Variants in ZNF483 observed in about 807,000 individuals in gnomAD.
ZNF483 encodes the protein zinc finger protein 483.
A neutral mutation model predicts 28.6 loss-of-function variants in ZNF483; 9 were observed. The observed-to-expected ratio is 0.32, with a 90% CI of 0.19 to 0.55. The LOEUF (loss-of-function observed/expected upper bound fraction) is 0.55. Ranked by LOEUF, ZNF483 falls within the 20% of genes least tolerant of loss-of-function variation. The pLI is 0.93. For missense variants in ZNF483, 675 were observed against 871.7 expected (o/e 0.77, Z 2.84); for synonymous variants, 322 against 306.2 (o/e 1.05, Z -0.54).
rs2132275840 is a variant in ZNF483 at position 111,549,852 on chromosome 9, T to A, written c.*6682T>A. ...CTTTGAGCATCTTTAAGGCAGTTGC[T>A]TTAAAGTCTGTCTAGTGAGTCAATG... is the stretch of plus-strand genomic sequence containing the variant. On this transcript the variant is annotated 3_prime_UTR_variant, in exon 6 of 6. Transcript: ENST00000309235. The A allele has an allele frequency of 8.6e-7, 1 of 1,168,872 alleles. No individual in the cohort carries two copies. Among genetic ancestry groups the A allele is most frequent in the African/African-American group, 1.5e-5 (1 of 64,946 alleles). The allele number at this position is 1,168,872 out of a possible 1,614,324, so 72.4% of individuals were successfully genotyped here. A position where few individuals can be genotyped will look rare whatever the true frequency, so the allele number is the denominator to read the frequency against.
rs1470262365 is a variant in ZNF483 at position 111,554,958 on chromosome 9, T to G, written c.*11788T>G. Among the ~76,000 whole-genome samples, 3 of 152,186 alleles carry G rather than the reference T, an allele frequency of 2.0e-5. No homozygotes were observed. Among genetic ancestry groups the G allele is most frequent in the Non-Finnish European group, 4.4e-5 (3 of 68,026 alleles). ...CTAAATGTCAGTGCCTGTTAATTTT[T>G]CTTTGAGAAGTGTAATTTCTCCAGA... On this transcript the variant is annotated 3_prime_UTR_variant, in exon 6 of 6. Transcript: ENST00000309235.
At position 111,550,599 on chromosome 9, in the gene ZNF483, T is replaced by C. The variant is rs1367450310; in HGVS notation, c.*7429T>C. Reference sequence around the variant, plus strand: ...TCATGTGCTCCCAAAATAATCACTTTAGGAACTTTCTGCCGATGTAATTAT... The same window carrying C: ...TCATGTGCTCCCAAAATAATCACTTCAGGAACTTTCTGCCGATGTAATTAT... On this transcript the variant is annotated 3_prime_UTR_variant, in exon 6 of 6. Coordinates refer to ENST00000309235, the MANE Select transcript of ZNF483 (RefSeq NM_133464.5). Among the ~76,000 whole-genome samples the C allele has an allele frequency of 3.9e-5, 6 of 152,190 alleles. No homozygotes were observed. The highest frequency in any genetic ancestry group is 3.3e-4 in the Admixed American group (5 of 15,282).
intron 5 of ZNF483, chr9:111,564,141 T>C (rs982429187): frequency 2.1e-5 from 12 of 572,328 alleles, no homozygotes; most frequent in Non-Finnish European, 2.8e-5. Flanking sequence ...GGGTCTTATA[T>C]AGAGACCTGA....
At position 111,554,272 on chromosome 9, in the gene ZNF483, G is replaced by A. The variant is rs1828056209; in HGVS notation, c.*11102G>A. On this transcript the variant is annotated 3_prime_UTR_variant, in exon 6 of 6. Coordinates refer to ENST00000309235, the MANE Select transcript of ZNF483 (RefSeq NM_133464.5). Reference sequence around the variant, plus strand: ...GTGGAAAAATGGCCATGGTACTACAGATCCTGTAACTAAGAAAGTCAACCT... The same window carrying A: ...GTGGAAAAATGGCCATGGTACTACAAATCCTGTAACTAAGAAAGTCAACCT... Among the ~76,000 whole-genome samples the A allele has an allele frequency of 6.6e-6, 1 of 152,060 alleles. No individual in the cohort carries two copies. Among genetic ancestry groups the A allele is most frequent in the Non-Finnish European group, 1.5e-5 (1 of 68,020 alleles).
At chr9:111,561,284 A>AT (rs1828315782) in intron 5 of ZNF483, among the ~76,000 whole-genome samples, 1 of 148,650 alleles carries the variant, frequency 6.7e-6, no homozygotes, top group South Asian at 2.1e-4. Flanking sequence ...TTTGTTTTTA[A>AT]TTTTTTTTAG....
chr9:111,541,080 G>A lies in ZNF483; in HGVS notation c.722-577G>A, dbSNP rs530086099. On this transcript the variant is annotated intron_variant, in intron 5 of 5. Transcript: ENST00000309235. The stretch of plus-strand genomic sequence containing the variant: ...AAAAGTTAGGATATAGGGACAATAA[G>A]TTTGAACCTTTTTTTTTTTTTTTTT... Among the ~76,000 whole-genome samples, 66 of 145,320 alleles carry A rather than the reference G, an allele frequency of 4.5e-4. 1 individual carries two copies. The highest frequency in any genetic ancestry group is 6.2e-4 in the Non-Finnish European group (41 of 66,652).
Position 111,544,348 on chromosome 9 carries a change from A to ATGTGTG in ZNF483, c.*1198_*1203dup, listed in dbSNP as rs111820702. The ATGTGTG allele has an allele frequency of 0.063, 60,203 of 949,876 alleles. 886 individuals carry two copies. The highest frequency in any genetic ancestry group is 0.17 in the East Asian group (1,442 of 8,558). 58.8% of individuals were successfully genotyped at this position (949,876 alleles called of 1,614,324 possible). On this transcript the variant is annotated 3_prime_UTR_variant, in exon 6 of 6. Coordinates refer to ENST00000309235, the MANE Select transcript of ZNF483 (RefSeq NM_133464.5). ...TAACAATTTGCTTGGGTGTGTGTGCATGTGTGTGTGTGTGTGTGTGTGTGT... is the reference window on the plus strand; with the variant it reads ...TAACAATTTGCTTGGGTGTGTGTGCATGTGTGTGTGTGTGTGTGTGTGTGTGTGTGT...
At position 111,550,416 on chromosome 9, in the gene ZNF483, A is replaced by G. The variant is rs1040758610; in HGVS notation, c.*7246A>G. On this transcript the variant is annotated 3_prime_UTR_variant, in exon 6 of 6. Transcript: ENST00000309235. ...ATTATTGTCCACCCTGGCTGCAGCAAGCTGACCCAGAAATGTGGGGTTGTG... is the reference window on the plus strand; with the variant it reads ...ATTATTGTCCACCCTGGCTGCAGCAGGCTGACCCAGAAATGTGGGGTTGTG... Among the ~76,000 whole-genome samples, 5 of 152,180 alleles carry G rather than the reference A, an allele frequency of 3.3e-5. No individual in the cohort carries two copies. The highest frequency in any genetic ancestry group is 4.8e-5 in the African/African-American group (2 of 41,454).
chr9:111,543,235 G>A lies in ZNF483; in HGVS notation c.*65G>A. On this transcript the variant is annotated 3_prime_UTR_variant, in exon 6 of 6. Coordinates refer to ENST00000309235, the MANE Select transcript of ZNF483 (RefSeq NM_133464.5). ...TTGTCAGTTACTGAAACCCTGGGAT[G>A]TAAACTTACAGTATTGATCAGTAGC... The A allele has an allele frequency of 6.5e-7, 1 of 1,528,008 alleles. No individual in the cohort carries two copies. The highest frequency in any genetic ancestry group is 8.7e-7 in the Non-Finnish European group (1 of 1,143,560). The allele number at this position is 1,528,008 out of a possible 1,614,324, so 94.7% of individuals were successfully genotyped here.
chr9:111,541,088 C>G (rs976443459), intron 5 of ZNF483, among the ~76,000 whole-genome samples: 20 of 128,156 alleles, frequency 1.6e-4, no homozygotes, highest in Admixed American at 2.4e-4. Flanking sequence ...AAGTTTGAAC[C>G]TTTTTTTTTT....
downstream of ZNF483, among the ~76,000 whole-genome samples, chr9:111,556,069 A>G (rs1480179462): frequency 5.2e-5 from 8 of 152,390 alleles, no homozygotes; most frequent in South Asian, 2.1e-4. Context: ...GAACAGGGGT[A>G]CAGACACTGG....
intron 5 of ZNF483, among the ~76,000 whole-genome samples, chr9:111,568,883 G>A (rs1195664390): frequency 1.3e-5 from 2 of 152,164 alleles, no homozygotes; most frequent in Non-Finnish European, 2.9e-5. Flanking sequence ...GTGGTAGCAG[G>A]GAGGTGGGAG....
chr9:111,551,840 A>T lies in ZNF483; in HGVS notation c.*8670A>T, dbSNP rs1466278531. ...CATATCAATTCAGTTTATTAGCATC[A>T]AATTTGATGAAGCAGTGCATAAATG... On this transcript the variant is annotated 3_prime_UTR_variant, in exon 6 of 6. Coordinates refer to ENST00000309235, the MANE Select transcript of ZNF483 (RefSeq NM_133464.5). Among the ~76,000 whole-genome samples the T allele has an allele frequency of 6.6e-6, 1 of 152,240 alleles. No individual in the cohort carries two copies. The highest frequency in any genetic ancestry group is 1.9e-4 in the East Asian group (1 of 5,204).
intron 5 of ZNF483, among the ~76,000 whole-genome samples, chr9:111,567,157 T>C (rs775660268): frequency 5.9e-5 from 9 of 151,774 alleles, no homozygotes; most frequent in Non-Finnish European, 1.2e-4. Flanking sequence ...CAACTTAAAA[T>C]AGGGCCATTT....
At chr9:111,573,571 T>G (rs1328166966) in intron 5 of ZNF483, among the ~76,000 whole-genome samples, 1 of 152,172 alleles carries the variant, frequency 6.6e-6, no homozygotes, top group Non-Finnish European at 1.5e-5. Flanking sequence ...TTCTCGTACT[T>G]TCTCCTTTTT....
chr9:111,563,425 A>G, intron 5 of ZNF483: 1 of 495,274 alleles, frequency 2.0e-6, no homozygotes. Flanking sequence ...AAAAGATTAC[A>G]AAGTACACCT....
At chr9:111,557,804 C>T (rs1218279007), downstream of ZNF483, among the ~76,000 whole-genome samples, 2 of 152,200 alleles carry the variant, frequency 1.3e-5, no homozygotes, top group Non-Finnish European at 1.5e-5. Flanking sequence ...CTTTAAACAA[C>T]TTCTTTACCC....
At position 111,542,997 on chromosome 9, in the gene ZNF483, G is replaced by A. The variant is rs1173437695; in HGVS notation, c.2062G>A (p.Glu688Lys). Residue 688 changes from glutamate (E) to lysine (K), a missense_variant, in exon 6 of 6, where the codon GAG (glutamate) becomes AAG (lysine). Around this residue, in one of 6 missense-constraint regions of ZNF483, gnomAD observed 55 missense variants for 72.4 expected, o/e 0.76. Transcript: ENST00000309235. The surrounding 1 kb of genome is among the most constrained non-coding windows in gnomAD (Gnocchi z 6.2). ...LNEHHRIHTG[E>K]KPYECNYCGA... ...TGAGCACCACCGAATTCATACAGGA[G>A]AGAAACCCTATGAGTGTAACTATTG... 1 of 1,614,190 alleles carries A rather than the reference G, an allele frequency of 6.2e-7. No homozygotes were observed. The highest frequency in any genetic ancestry group is 1.7e-5 in the Admixed American group (1 of 60,022).
chr9:111,529,125 G>T (rs1325236648), intron 2 of ZNF483, among the ~76,000 whole-genome samples: 6 of 137,062 alleles, frequency 4.4e-5, no homozygotes, highest in Admixed American at 1.5e-4. Context: ...CAATAACAGC[G>T]AAACTCCGTC....
Sources: allele counts gnomAD v4.1 joint callset (sites outside exome capture counted in the v4.1 genomes callset), GRCh38; gene constraint gnomAD v4.1.1; regional missense constraint gnomAD v4.1.1; non-coding constraint Gnocchi (gnomAD v3.1); transcripts MANE v1.5; gene names NCBI Gene and HGNC (gene_info 2026-07-23, HGNC 2026-07-21).